ERCC6L2: variants seen among roughly 807,000 people sequenced by gnomAD.
ERCC6L2 encodes the protein DNA excision repair protein ERCC-6-like 2.
ERCC6L2 carries 77 observed loss-of-function variants against 132.0 expected under a neutral mutation model. The observed-to-expected ratio is 0.58, with a 90% CI of 0.49 to 0.71. ERCC6L2 has a LOEUF of 0.71. Ranked by LOEUF, ERCC6L2 falls within the 30% of genes least tolerant of loss-of-function variation. The pLI is 0.00. For synonymous variants in ERCC6L2, 583 were observed against 632.4 expected (o/e 0.92, Z 1.17); for missense variants, 1,542 against 1,837.6 (o/e 0.84, Z 2.94).
At chr9:95,923,178 T>G in intron 8 of ERCC6L2, 82 bp from the exon 9 acceptor site, 1 of 1,484,814 alleles carries the variant, frequency 6.7e-7, no homozygotes, top group Non-Finnish European at 9.0e-7. Context: ...CTAAAAAGAA[T>G]TTTTTTCATA....
At chr9:95,924,897 G>A (rs1830036673) in intron 9 of ERCC6L2, among the ~76,000 whole-genome samples, 1 of 152,158 alleles carries the variant, frequency 6.6e-6, no homozygotes, top group Non-Finnish European at 1.5e-5. Context: ...CAGCCAAACA[G>A]ATGGATAGTA....
chr9:95,898,065 T>TACCA, intron 3 of ERCC6L2, 94 bp downstream of exon 3: 19 of 1,126,794 alleles, frequency 1.7e-5, no homozygotes, highest in Non-Finnish European at 2.3e-5. Context: ...AATGTATTGG[T>TACCA]ATACATTTTA....
At chr9:95,931,408 G>T (rs896779445) in intron 11 of ERCC6L2, among the ~76,000 whole-genome samples, 1 of 152,062 alleles carries the variant, frequency 6.6e-6, no homozygotes, top group African/African-American at 2.4e-5. Flanking sequence ...TTCTTTCACT[G>T]CTCTTCTGTG....
chr9:95,983,452 T>TA (rs987678481), intron 17 of ERCC6L2, among the ~76,000 whole-genome samples: 13 of 152,158 alleles, frequency 8.5e-5, no homozygotes, highest in Non-Finnish European at 1.8e-4. Flanking sequence ...TCTAAATAGT[T>TA]AAAAAATAGT....
rs1160856849 is a variant in ERCC6L2, at chr9:96,007,948, AGCTGGCCCCGCAGCTCTTTGGAGT to A, written c.3674+3254_3674+3277del. On this transcript the variant is annotated intron_variant, in intron 18 of 18. Coordinates refer to ENST00000653738, the MANE Select transcript of ERCC6L2 (RefSeq NM_020207.7). ...CTGGTTCCTCAGCTGCCCAGGGAAG[AGCTGGCCCCGCAGCTCTTTGGAGT>A]GCTGGCGTGGCTGGTTGGAGTATGG... Among the ~76,000 whole-genome samples the A allele has an allele frequency of 1.4e-4, 22 of 152,044 alleles. 1 individual carries two copies. Among genetic ancestry groups the A allele is most frequent in the African/African-American group, 3.9e-4 (16 of 41,388 alleles).
chr9:95,924,850 A>G (rs1830034790), intron 9 of ERCC6L2, among the ~76,000 whole-genome samples: 1 of 152,150 alleles, frequency 6.6e-6, no homozygotes, highest in South Asian at 2.1e-4. Context: ...TTATATGTGA[A>G]TGATGCAGGT....
At position 96,012,717 on chromosome 9, in the gene ERCC6L2, T is replaced by A; in HGVS notation, c.4167T>A (p.Ser1389=). 1 of 1,367,482 alleles carries A rather than the reference T, an allele frequency of 7.3e-7. No individual in the cohort carries two copies. Among genetic ancestry groups the A allele is most frequent in the South Asian group, 1.1e-5 (1 of 88,040 alleles). The allele number at this position is 1,367,482 out of a possible 1,614,324, so 84.7% of individuals were successfully genotyped here. A position where few individuals can be genotyped will look rare whatever the true frequency, so the allele number is the denominator to read the frequency against. Residue 1389 remains serine, a synonymous_variant, in exon 19 of 19, where the codon TCT becomes TCA. Transcript: ENST00000653738. Reference sequence around the variant, plus strand: ...CATCCCGTTCTCTGAACAGTGAGTCTGAAACACGTGAGAGAAGGTTAGAAA... The same window carrying A: ...CATCCCGTTCTCTGAACAGTGAGTCAGAAACACGTGAGAGAAGGTTAGAAA... ...TVTSRSLNSE[S]ETRERRLENT...
At chr9:95,962,613 T>C (rs1784438829) in intron 13 of ERCC6L2, among the ~76,000 whole-genome samples, 2 of 152,164 alleles carry the variant, frequency 1.3e-5, no homozygotes, top group Admixed American at 1.3e-4. Flanking sequence ...CAGAACAATA[T>C]CTACAGTGTT....
rs760175634 is a variant in ERCC6L2 at position 95,916,446 on chromosome 9, A to G, written c.1158+12A>G. On this transcript the variant is annotated intron_variant, in intron 6 of 18. Transcript: ENST00000653738. ...AGAAGGAAGACCGGGTAAGAACCGCATTTGTATATATTATTAATTTGTGGT... is the reference window on the plus strand; with the variant it reads ...AGAAGGAAGACCGGGTAAGAACCGCGTTTGTATATATTATTAATTTGTGGT... 1.5e-5 allele frequency: 22 copies of G among 1,478,492 alleles called. No homozygotes were observed. The highest frequency in any genetic ancestry group is 1.1e-4 in the African/African-American group (8 of 69,684). The allele number at this position is 1,478,492 out of a possible 1,614,324, so 91.6% of individuals were successfully genotyped here. A position where few individuals can be genotyped will look rare whatever the true frequency, so the allele number is the denominator to read the frequency against.
chr9:96,001,862 C>T (rs1833694102), intron 17 of ERCC6L2, among the ~76,000 whole-genome samples: 1 of 152,242 alleles, frequency 6.6e-6, no homozygotes, highest in African/African-American at 2.4e-5. Flanking sequence ...GAGCCCTGCC[C>T]CGTGGGAAGG....
At chr9:96,009,136 C>T (rs548655328) in intron 18 of ERCC6L2, among the ~76,000 whole-genome samples, 12 of 152,300 alleles carry the variant, frequency 7.9e-5, no homozygotes, top group East Asian at 5.8e-4. Context: ...CTGCTGTGGT[C>T]GGGGAGTTTG....
At chr9:95,975,539 A>G (rs146939977) in intron 16 of ERCC6L2, among the ~76,000 whole-genome samples, 3 of 142,412 alleles carry the variant, frequency 2.1e-5, no homozygotes, top group East Asian at 2.0e-4. Context: ...GTTGTCCAAT[A>G]ATTTTACTAG....
rs1439384449 is a variant in ERCC6L2 at position 95,941,538 on chromosome 9, A to G, written c.1836A>G (p.Gln612=). ...DPTWNPANDL[Q]AIDRAYRIGQ... The stretch of plus-strand genomic sequence containing the variant: ...CTTGGAATCCAGCCAATGATCTTCA[A>G]GCCATTGACAGGTATAATACTGACA... The change falls in exon 12 of 19, where the codon CAA becomes CAG. Residue 612 remains glutamine, a synonymous_variant. Transcript: ENST00000653738. 3 of 1,610,464 alleles carry G rather than the reference A, an allele frequency of 1.9e-6. No individual in the cohort carries two copies. Among genetic ancestry groups the G allele is most frequent in the Admixed American group, 1.7e-5 (1 of 59,938 alleles).
At chr9:95,948,791 G>GAAAAAAAAAAAAAAAAAAAAA (rs55712485) in intron 12 of ERCC6L2, among the ~76,000 whole-genome samples, 2 of 104,066 alleles carry the variant, frequency 1.9e-5, no homozygotes, top group Admixed American at 9.2e-5. Flanking sequence ...CAAGACATTA[G>GAAAAAAAAAAAAAAAAAAAAA]AAAAAAAAAA....
At position 95,972,853 on chromosome 9, in the gene ERCC6L2, C is replaced by T; in HGVS notation, c.3102C>T (p.Asn1034=). The T allele has an allele frequency of 7.7e-7, 1 of 1,305,176 alleles. No homozygotes were observed. Among genetic ancestry groups the T allele is most frequent in the South Asian group, 1.2e-5 (1 of 81,014 alleles). The allele number at this position is 1,305,176 out of a possible 1,614,324, so 80.8% of individuals were successfully genotyped here. A position where few individuals can be genotyped will look rare whatever the true frequency, so the allele number is the denominator to read the frequency against. ...TGTATGCAGCAAATGAGGATCATAA[C>T]TCTCAGTTTATTGATGATTATTCAT... ...NQVYAANEDH[N]SQFIDDYSSS... The change falls in exon 16 of 19, where the codon AAC becomes AAT. Residue 1034 remains asparagine (N), a synonymous_variant. Transcript: ENST00000653738.
chr9:95,977,988 G>T (rs1832739835), intron 16 of ERCC6L2, 73 bp from the exon 17 acceptor site: 2 of 984,182 alleles, frequency 2.0e-6, no homozygotes, highest in South Asian at 3.7e-5. Flanking sequence ...TTAAAAATAA[G>T]AATAATGTGT....
chr9:95,979,471 T>C (rs1298511377), intron 17 of ERCC6L2, among the ~76,000 whole-genome samples: 1 of 152,324 alleles, frequency 6.6e-6, no homozygotes, highest in Admixed American at 6.5e-5. Context: ...AAGCAAAGCT[T>C]TTCCTAGCAC....
chr9:95,909,625 G>A lies in ERCC6L2; in HGVS notation c.788+2354G>A, dbSNP rs1228691830. Reference sequence around the variant, plus strand: ...TTGAGATTCATTCATGTTGAGGAGTGTATCAGTGATTGTTCTTTCTTAATG... The same window carrying A: ...TTGAGATTCATTCATGTTGAGGAGTATATCAGTGATTGTTCTTTCTTAATG... On this transcript the variant is annotated intron_variant, in intron 4 of 18. Coordinates refer to ENST00000653738, the MANE Select transcript of ERCC6L2 (RefSeq NM_020207.7). 6.6e-5 allele frequency among the ~76,000 whole-genome samples: 10 copies of A among 152,134 alleles called. No homozygotes were observed. The East Asian group carries it at 1.9e-3, about 29-fold the overall frequency.
chr9:96,006,669 G>A (rs1158634804), intron 18 of ERCC6L2, among the ~76,000 whole-genome samples: 1 of 152,026 alleles, frequency 6.6e-6, no homozygotes, highest in African/African-American at 2.4e-5. Context: ...AAGAGGGAGG[G>A]CCTGGAAGCA....
Sources: gnomAD v4.1 joint callset for allele counts (sites outside exome capture counted in the v4.1 genomes callset) on GRCh38, gnomAD v4.1.1 for gene constraint, MANE v1.5 for transcripts, NCBI Gene and HGNC (gene_info 2026-07-23, HGNC 2026-07-21) for gene names.